SLCO3A1: variants seen among roughly 807,000 people sequenced by gnomAD.
The protein encoded by SLCO3A1 is PGE1 transporter.
In SLCO3A1, 27 loss-of-function variants were observed where a neutral mutation model predicts 63.1. The observed-to-expected ratio is 0.43, with a 90% CI of 0.32 to 0.59. The LOEUF (loss-of-function observed/expected upper bound fraction) is 0.59. Among genes scored for constraint, SLCO3A1 ranks in the 20% least tolerant of loss-of-function variants. SLCO3A1 has a pLI of 0.09. For synonymous variants in SLCO3A1, 473 were observed against 409.9 expected (o/e 1.15, Z -1.86); for missense variants, 773 against 945.8 (o/e 0.82, Z 2.40).
At position 92,016,254 on chromosome 15, in the gene SLCO3A1, T is replaced by TTAGATAGATAGATAGA. The variant is rs1555424441; in HGVS notation, c.647-78613_647-78598dup. On this transcript the variant is annotated intron_variant, in intron 2 of 9. Transcript: ENST00000318445. ...ATAGATAGATAGATAGATAGATAGA[T>TTAGATAGATAGATAGA]TAGATAGATAGATAGATAGATAGAT... Among the ~76,000 whole-genome samples, 384 of 95,674 alleles carry TTAGATAGATAGATAGA rather than the reference T, an allele frequency of 4.0e-3. 4 individuals are homozygous for TTAGATAGATAGATAGA. In the East Asian group the frequency reaches 0.06, roughly 15 times the overall value. The allele number at this position is 95,674 out of a possible 152,430, so 62.8% of individuals were successfully genotyped here.
Position 92,134,336 on chromosome 15 carries a change from G to A in SLCO3A1, c.1512+5847G>A, listed in dbSNP as rs555129833. Among the ~76,000 whole-genome samples, 6 of 152,284 alleles carry A rather than the reference G, an allele frequency of 3.9e-5. No individual in the cohort carries two copies. In the East Asian group the frequency reaches 1.2e-3, roughly 29 times the overall value. On this transcript the variant is annotated intron_variant, in intron 7 of 9. Transcript: ENST00000318445. ...ACTATTCTGAAATCAAACCCTACTGGGGCATCGCCACCTGGGACACCTGAT... is the reference window on the plus strand; with the variant it reads ...ACTATTCTGAAATCAAACCCTACTGAGGCATCGCCACCTGGGACACCTGAT...
At chr15:91,918,581 A>G (rs1898738100) in intron 2 of SLCO3A1, among the ~76,000 whole-genome samples, 2 of 152,194 alleles carry the variant, frequency 1.3e-5, no homozygotes, top group African/African-American at 4.8e-5. Flanking sequence ...TATGTGGTTT[A>G]TTCTCCAGGT....
chr15:91,884,870 G>C (rs1897684733), intron 1 of SLCO3A1, among the ~76,000 whole-genome samples: 2 of 151,088 alleles, frequency 1.3e-5, no homozygotes, highest in South Asian at 4.2e-4. Flanking sequence ...TTTTTTTTAA[G>C]CTGATTCTTT....
intron 9 of SLCO3A1, chr15:92,161,867 G>A (rs1255986239): frequency 6.9e-6 from 1 of 144,588 alleles, no homozygotes; most frequent in Non-Finnish European, 1.5e-5. Context: ...ACAGTATGCC[G>A]GCGCTTTGCA....
chr15:91,998,657 A>G (rs2046219209), intron 2 of SLCO3A1, among the ~76,000 whole-genome samples: 1 of 152,348 alleles, frequency 6.6e-6, no homozygotes, highest in East Asian at 1.9e-4. Context: ...TGGCAAGGCT[A>G]TGGAGAAAAG....
chr15:92,165,237 A>G lies in SLCO3A1; in HGVS notation c.*2102A>G, dbSNP rs565514903. On this transcript the variant is annotated 3_prime_UTR_variant, in exon 10 of 10. Transcript: ENST00000318445. The stretch of plus-strand genomic sequence containing the variant: ...TCTGAGACAGGCCTTTCAACTGCTT[A>G]GTGTTAGTATGTCCTTGCTTATGAA... 2 of 984,620 alleles carry G rather than the reference A, an allele frequency of 2.0e-6. No homozygotes were observed. The highest frequency in any genetic ancestry group is 2.3e-4 in the East Asian group (2 of 8,816). The allele number at this position is 984,620 out of a possible 1,614,324, so 61.0% of individuals were successfully genotyped here.
intron 2 of SLCO3A1, among the ~76,000 whole-genome samples, chr15:92,028,861 C>T (rs1339439269): frequency 2.0e-5 from 3 of 146,938 alleles, no homozygotes; most frequent in Non-Finnish European, 4.4e-5. Flanking sequence ...TTTTTGCTGG[C>T]GTATCAGTTA....
rs1312168718 is a variant in SLCO3A1 at position 92,001,205 on chromosome 15, T to TG, written c.646+84750dup. On this transcript the variant is annotated intron_variant, in intron 2 of 9. Coordinates refer to ENST00000318445, the MANE Select transcript of SLCO3A1 (RefSeq NM_013272.4). ...ACCAGGAAATGCTTTAAGGACCAGGTGGGTGGGCGGGGGGGAGGGGGCGAA... is the reference window on the plus strand; with the variant it reads ...ACCAGGAAATGCTTTAAGGACCAGGTGGGGTGGGCGGGGGGGAGGGGGCGAA... Among the ~76,000 whole-genome samples the TG allele has an allele frequency of 0.011, 57 of 5,152 alleles. No individual in the cohort carries two copies. The South Asian group carries it at 0.13, about 11-fold the overall frequency. 3.4% of individuals were successfully genotyped at this position (5,152 alleles called of 152,430 possible).
intron 2 of SLCO3A1, among the ~76,000 whole-genome samples, chr15:91,953,932 C>G (rs1283768801): frequency 6.6e-6 from 1 of 152,204 alleles, no homozygotes; most frequent in Non-Finnish European, 1.5e-5. Flanking sequence ...GTGAATGGTT[C>G]TCAGACTTTT....
chr15:92,154,378 G>A (rs28672770), intron 9 of SLCO3A1, among the ~76,000 whole-genome samples: 3,562 of 152,270 alleles, frequency 0.023, 134 homozygotes, highest in African/African-American at 0.081. Flanking sequence ...CCAGTGGAAC[G>A]TTCTGTGATG....
At chr15:92,037,679 G>A (rs773875236) in intron 2 of SLCO3A1, among the ~76,000 whole-genome samples, 1 of 152,202 alleles carries the variant, frequency 6.6e-6, no homozygotes, top group Non-Finnish European at 1.5e-5. Context: ...TATTCTCACT[G>A]TCAAGCCAAC....
At chr15:91,960,476 AC>A (rs1900404247) in intron 2 of SLCO3A1, among the ~76,000 whole-genome samples, 1 of 151,598 alleles carries the variant, frequency 6.6e-6, no homozygotes, top group Non-Finnish European at 1.5e-5. Context: ...GGACGAGGCA[AC>A]CTCTTATTGG....
chr15:92,032,607 G>A (rs2046666803), intron 2 of SLCO3A1, among the ~76,000 whole-genome samples: 2 of 151,492 alleles, frequency 1.3e-5, no homozygotes. Context: ...AAAGCTTTGG[G>A]TAGTGGAGGT....
intron 1 of SLCO3A1, among the ~76,000 whole-genome samples, chr15:91,910,781 T>C (rs1898460450): frequency 6.6e-6 from 1 of 152,168 alleles, no homozygotes; most frequent in African/African-American, 2.4e-5. Flanking sequence ...TGCATGCATG[T>C]TAGAGTCACC....
Position 91,898,908 on chromosome 15 carries a change from C to A in SLCO3A1, c.181-17085C>A, listed in dbSNP as rs1898078713. ...TTAAAAAACTGCTGCGAATTTTATT[C>A]TTCGTGGCTCCTATCACCCAGTCAC... On this transcript the variant is annotated intron_variant, in intron 1 of 9. Transcript: ENST00000318445. Among the ~76,000 whole-genome samples the A allele has an allele frequency of 2.0e-5, 3 of 152,134 alleles. No individual in the cohort carries two copies. In the South Asian group the frequency reaches 6.2e-4, roughly 31 times the overall value.
intron 2 of SLCO3A1, among the ~76,000 whole-genome samples, chr15:91,966,552 G>C (rs1477031514): frequency 1.4e-4 from 21 of 152,130 alleles, no homozygotes; most frequent in Non-Finnish European, 7.4e-5. Flanking sequence ...AACATTTCAG[G>C]ATATGATCCT....
chr15:92,156,657 A>G (rs2048375008), intron 9 of SLCO3A1, among the ~76,000 whole-genome samples: 1 of 152,242 alleles, frequency 6.6e-6, no homozygotes, highest in Admixed American at 6.5e-5. Context: ...GCTGAAGCAG[A>G]GAACTCATTA....
chr15:92,064,915 G>A (rs1390516499), intron 2 of SLCO3A1, among the ~76,000 whole-genome samples: 5 of 152,160 alleles, frequency 3.3e-5, no homozygotes, highest in African/African-American at 1.2e-4. Flanking sequence ...GTACAAAAAT[G>A]CAGTTAGAGA....
At chr15:92,028,908 AGTGTGTGTGTGT>A (rs61238614) in intron 2 of SLCO3A1, among the ~76,000 whole-genome samples, 9 of 120,070 alleles carry the variant, frequency 7.5e-5, no homozygotes, top group Non-Finnish European at 1.3e-4. Flanking sequence ...TGCAGGCACA[AGTGTGTGTGTGT>A]GTGTGTGTGT....
Sources: gnomAD v4.1 joint callset for allele counts (sites outside exome capture counted in the v4.1 genomes callset) on GRCh38, gnomAD v4.1.1 for gene constraint, MANE v1.5 for transcripts, NCBI Gene and HGNC (gene_info 2026-07-23, HGNC 2026-07-21) for gene names.